The following CCDC82 variants were observed in gnomAD, a reference collection of about 807,000 sequenced individuals.
The protein encoded by CCDC82 is coiled-coil domain containing 82.
Under a neutral mutation model 60.6 loss-of-function variants are expected in CCDC82, and 47 were observed. That is an observed-to-expected ratio of 0.77 (90% CI 0.61 to 0.99). The LOEUF is 0.99. Among genes scored for constraint, CCDC82 ranks in the 50% least tolerant of loss-of-function variants. The pLI is 0.00. For synonymous variants in CCDC82, 212 were observed against 207.4 expected (o/e 1.02, Z -0.19); for missense variants, 588 against 633.0 (o/e 0.93, Z 0.76).
intron 7 of CCDC82, among the ~76,000 whole-genome samples, chr11:96,365,411 G>A (rs79277650): frequency 1.6e-3 from 238 of 152,116 alleles, no homozygotes; most frequent in African/African-American, 5.2e-3. Context: ...ACACTTCTGC[G>A]GTTGCTACTT....
chr11:96,362,605 C>A (rs983331277), intron 8 of CCDC82, among the ~76,000 whole-genome samples: 3 of 152,148 alleles, frequency 2.0e-5, no homozygotes, highest in Admixed American at 6.5e-5. Flanking sequence ...TCACAACTCT[C>A]TTTCATCCAG....
At chr11:96,375,799 T>C (rs1427061629) in intron 5 of CCDC82, among the ~76,000 whole-genome samples, 1 of 152,192 alleles carries the variant, frequency 6.6e-6, no homozygotes, top group African/African-American at 2.4e-5. Context: ...TAGACTTGGA[T>C]GGAAAACTGG....
intron 5 of CCDC82, among the ~76,000 whole-genome samples, chr11:96,378,950 C>CA (rs1256374984): frequency 6.6e-6 from 1 of 151,962 alleles, no homozygotes; most frequent in Non-Finnish European, 1.5e-5. Context: ...TAGGAAATTA[C>CA]AAAATGTCTT....
intron 7 of CCDC82, among the ~76,000 whole-genome samples, chr11:96,369,127 T>C (rs1037119351): frequency 6.6e-6 from 1 of 152,200 alleles, no homozygotes; most frequent in African/African-American, 2.4e-5. Flanking sequence ...ATTCATGGAA[T>C]TGAAGAGTTA....
intron 2 of CCDC82, chr11:96,386,633 C>A (rs149938791): frequency 0.01 from 1,574 of 152,164 alleles, 19 homozygotes; most frequent in South Asian, 0.012. Context: ...CTCAAGTGAT[C>A]CTCCCACCTT....
chr11:96,371,080 T>C lies in CCDC82; in HGVS notation c.1142A>G (p.Asp381Gly), dbSNP rs756578172. ...TAGACGAGGCTGAACAAAGCGGTTA[T>C]CCAAATAATGAAGAGATGTTAGCAT... is the stretch of plus-strand genomic sequence containing the variant. ...KDMLTSLHYL[D>G]NRFVQPRLES... Residue 381 changes from aspartate to glycine, a missense_variant, in exon 7 of 10, where the codon GAT (aspartate) becomes GGT (glycine). By Grantham distance (94) the Asp-to-Gly change is moderately conservative. Coordinates refer to ENST00000646818, the MANE Select transcript of CCDC82 (RefSeq NM_024725.4). 2 of 1,607,694 alleles carry C rather than the reference T, an allele frequency of 1.2e-6. No individual in the cohort carries two copies. The highest frequency in any genetic ancestry group is 3.4e-5 in the Admixed American group (2 of 59,326).
chr11:96,378,867 TAAAAG>T (rs1327732234), intron 5 of CCDC82, among the ~76,000 whole-genome samples: 1 of 151,942 alleles, frequency 6.6e-6, no homozygotes, highest in African/African-American at 2.4e-5. Context: ...GGATTGATAA[TAAAAG>T]AAAAAGACTA....
chr11:96,388,354 T>A (rs1565329075), intron 1 of CCDC82: 1 of 152,164 alleles, frequency 6.6e-6, no homozygotes, highest in Non-Finnish European at 1.5e-5. Flanking sequence ...AAATGAGAAT[T>A]TTATCGAGCT....
chr11:96,377,874 G>T (rs539902005), intron 5 of CCDC82, among the ~76,000 whole-genome samples: 28 of 152,084 alleles, frequency 1.8e-4, no homozygotes, highest in African/African-American at 5.1e-4. Context: ...TACGCATTAT[G>T]AAAATACCTC....
Position 96,353,453 on chromosome 11 carries a change from T to C in CCDC82, c.*193A>G. On this transcript the variant is annotated 3_prime_UTR_variant, in exon 10 of 10. Transcript: ENST00000646818. ...CTTAAAAATTAAGATAATGCTTTTA[T>C]GTACATCAGATAAAAGTTTAATTAG... The C allele has an allele frequency of 1.9e-6, 1 of 523,936 alleles. No individual in the cohort carries two copies. The highest frequency in any genetic ancestry group is 3.4e-6 in the Non-Finnish European group (1 of 297,502). The allele number at this position is 523,936 out of a possible 1,614,324, so 32.5% of individuals were successfully genotyped here. A position where few individuals can be genotyped will look rare whatever the true frequency, so the allele number is the denominator to read the frequency against.
chr11:96,373,093 C>T lies in CCDC82; in HGVS notation c.1084+282G>A, dbSNP rs919262285. ...TGGGTTTGGCACATGGGTATTAAGACACTCTGCTGTTTTAGGTGTTATCCT... is the reference window on the plus strand; with the variant it reads ...TGGGTTTGGCACATGGGTATTAAGATACTCTGCTGTTTTAGGTGTTATCCT... On this transcript the variant is annotated intron_variant, in intron 6 of 9. Coordinates refer to ENST00000646818, the MANE Select transcript of CCDC82 (RefSeq NM_024725.4). Among the ~76,000 whole-genome samples the T allele has an allele frequency of 5.9e-5, 9 of 152,166 alleles. No individual in the cohort carries two copies. The East Asian group carries it at 1.7e-3, about 29-fold the overall frequency.
chr11:96,358,695 AAT>A, intron 9 of CCDC82: 1 of 1,197,170 alleles, frequency 8.4e-7, no homozygotes, highest in Middle Eastern at 3.0e-4. Flanking sequence ...CAGGGGACTT[AAT>A]ATATATGTAA....
At chr11:96,381,795 T>C (rs1324293090) in intron 5 of CCDC82, 1 of 151,830 alleles carries the variant, frequency 6.6e-6, no homozygotes, top group Non-Finnish European at 1.5e-5. Context: ...TTTAAGGAAA[T>C]CTGTGATTTC....
intron 5 of CCDC82, among the ~76,000 whole-genome samples, chr11:96,374,363 A>T (rs561246772): frequency 3.7e-4 from 56 of 152,316 alleles, no homozygotes; most frequent in Admixed American, 2.7e-3. Context: ...GATGGGATTC[A>T]ACATGGAAAA....
chr11:96,359,224 C>A (rs1381767065), intron 8 of CCDC82, 46 bp from the exon 9 acceptor site: 1 of 1,452,574 alleles, frequency 6.9e-7, no homozygotes, highest in Non-Finnish European at 9.1e-7. Context: ...AATATATATC[C>A]TTTCTGGTTT....
At chr11:96,388,407 A>T (rs1413967677) in intron 1 of CCDC82, 1 of 152,172 alleles carries the variant, frequency 6.6e-6, no homozygotes, top group Admixed American at 6.5e-5. Flanking sequence ...AAAAACAGAG[A>T]CTCCAAACAG....
intron 9 of CCDC82, chr11:96,357,171 A>G: frequency 1.0e-6 from 1 of 985,450 alleles, no homozygotes; most frequent in Non-Finnish European, 1.2e-6. Flanking sequence ...CACGTGACAA[A>G]TTTTGAAATT....
intron 5 of CCDC82, among the ~76,000 whole-genome samples, chr11:96,380,128 T>C (rs1865791655): frequency 6.6e-6 from 1 of 151,676 alleles, no homozygotes; most frequent in Non-Finnish European, 1.5e-5. Flanking sequence ...TAGGAGGGTA[T>C]CAATAACTTC....
chr11:96,367,482 C>T (rs1480043620), intron 7 of CCDC82, among the ~76,000 whole-genome samples: 1 of 152,180 alleles, frequency 6.6e-6, no homozygotes, highest in Non-Finnish European at 1.5e-5. Flanking sequence ...CCGTAAGAAG[C>T]AACTCCTCAT....
Sources: gnomAD v4.1 joint callset for allele counts (sites outside exome capture counted in the v4.1 genomes callset) on GRCh38, gnomAD v4.1.1 for gene constraint, MANE v1.5 for transcripts, NCBI Gene and HGNC (gene_info 2026-07-23, HGNC 2026-07-21) for gene names.